The following METAP1 variants were observed in gnomAD, a reference collection of about 807,000 sequenced individuals.
The protein encoded by METAP1 is methionine aminopeptidase 1.
Under a neutral mutation model 53.8 loss-of-function variants are expected in METAP1, and 28 were observed. The observed-to-expected ratio is 0.52, with a 90% confidence interval of 0.39 to 0.71. The LOEUF is 0.71. Ranked by LOEUF, METAP1 falls within the 30% of genes least tolerant of loss-of-function variation. The probability of loss-of-function intolerance (pLI) is 0.00; values close to 1 mark genes in which losing one functional copy is unlikely to be tolerated. For synonymous variants in METAP1, 181 were observed against 165.7 expected, an observed-to-expected ratio of 1.09 and a Z score of -0.71; for missense variants, 389 against 479.8, an observed-to-expected ratio of 0.81 and a Z score of 1.77.
chr4:99,030,567 A>C (rs1724941089), intron 2 of METAP1, among the ~76,000 whole-genome samples: 1 of 152,140 alleles, frequency 6.6e-6, no homozygotes, highest in African/African-American at 2.4e-5. Context: ...TAAGTTGACC[A>C]CAGTAAATTT....
chr4:99,016,477 A>G (rs1723773250), intron 1 of METAP1, among the ~76,000 whole-genome samples: 1 of 152,168 alleles, frequency 6.6e-6, no homozygotes. Flanking sequence ...TTTTATCATA[A>G]TGTGTGCCGT....
chr4:99,033,396 C>T (rs1388478873), intron 2 of METAP1, among the ~76,000 whole-genome samples: 2 of 152,016 alleles, frequency 1.3e-5, no homozygotes, highest in South Asian at 2.1e-4. Flanking sequence ...ACTTGTATTC[C>T]GGCTACTTAA....
chr4:99,047,514 A>C (rs960228443), intron 8 of METAP1, among the ~76,000 whole-genome samples: 1 of 152,232 alleles, frequency 6.6e-6, no homozygotes, highest in African/African-American at 2.4e-5. Context: ...GAAAGTCAGC[A>C]TGATTTTTCA....
At chr4:99,026,228 T>C (rs536617587) in intron 1 of METAP1, 1 of 985,166 alleles carries the variant, frequency 1.0e-6, no homozygotes, top group Non-Finnish European at 1.2e-6. Flanking sequence ...AAATTCCTGT[T>C]GGTGCTAAAG....
chr4:99,061,327 A>G lies in METAP1; in HGVS notation c.*10A>G. The G allele has an allele frequency of 1.2e-6, 2 of 1,610,336 alleles. No individual in the cohort carries two copies. Among genetic ancestry groups the G allele is most frequent in the Non-Finnish European group, 1.7e-6 (2 of 1,177,508 alleles). On this transcript the variant is annotated 3_prime_UTR_variant, in exon 11 of 11. Transcript: ENST00000296411. Reference sequence around the variant, plus strand: ...CATGTCTCAATTTTAATTTCTCCCAAGATGGCACATCTCAGTACCTTCTTA... The same window carrying G: ...CATGTCTCAATTTTAATTTCTCCCAGGATGGCACATCTCAGTACCTTCTTA...
At chr4:99,032,550 T>G (rs557462973) in intron 2 of METAP1, among the ~76,000 whole-genome samples, 2 of 152,304 alleles carry the variant, frequency 1.3e-5, no homozygotes, top group South Asian at 4.1e-4. Context: ...CTTTTGAATA[T>G]AAACTGTGGA....
intron 1 of METAP1, among the ~76,000 whole-genome samples, chr4:99,018,847 G>T (rs1028713651): frequency 3.3e-5 from 5 of 152,144 alleles, no homozygotes; most frequent in African/African-American, 4.8e-5. Flanking sequence ...GGGAGATCGG[G>T]TATTACTTTC....
intron 1 of METAP1, chr4:99,022,576 T>TAGAA (rs1724204919): frequency 1.5e-6 from 1 of 650,528 alleles, no homozygotes; most frequent in African/African-American, 1.8e-5. Context: ...ACTTTGAAGA[T>TAGAA]AGAAGATGGT....
intron 8 of METAP1, among the ~76,000 whole-genome samples, chr4:99,046,936 C>CA (rs56702946): frequency 0.17 from 14,168 of 82,238 alleles, 976 homozygotes; most frequent in East Asian, 0.53. Context: ...ACTGAAGAAA[C>CA]AAAAAAAAAA....
intron 1 of METAP1, among the ~76,000 whole-genome samples, chr4:99,001,075 C>G (rs936059608): frequency 1.3e-5 from 2 of 152,214 alleles, no homozygotes; most frequent in Admixed American, 6.5e-5. Context: ...CATGCAGTAT[C>G]TTTGAAATGC....
At chr4:99,031,198 G>T (rs1390547988) in intron 2 of METAP1, among the ~76,000 whole-genome samples, 2 of 150,712 alleles carry the variant, frequency 1.3e-5, no homozygotes, top group African/African-American at 2.4e-5. Context: ...TGATTCTTGG[G>T]TGCATGTTTT....
intron 3 of METAP1, among the ~76,000 whole-genome samples, chr4:99,035,112 T>C (rs1725332587): frequency 6.6e-6 from 1 of 152,208 alleles, no homozygotes; most frequent in African/African-American, 2.4e-5. Context: ...ATCATTTTAT[T>C]GTTGTTAGCT....
At position 99,062,656 on chromosome 4, in the gene METAP1, A is replaced by G. The variant is rs1196300373; in HGVS notation, c.*1339A>G. 1 of 152,672 alleles carries G rather than the reference A, an allele frequency of 6.5e-6. No individual in the cohort carries two copies. 9.5% of individuals were successfully genotyped at this position (152,672 alleles called of 1,614,324 possible). Reference sequence around the variant, plus strand: ...TGTTTTCATTACTTTTATTATTTGAATGATTTAGTAAAGTTGACTGAATCT... The same window carrying G: ...TGTTTTCATTACTTTTATTATTTGAGTGATTTAGTAAAGTTGACTGAATCT... On this transcript the variant is annotated 3_prime_UTR_variant, in exon 11 of 11. Coordinates refer to ENST00000296411, the MANE Select transcript of METAP1 (RefSeq NM_015143.3).
rs1438129290 is a variant in METAP1 at position 99,054,373 on chromosome 4, C to G, written c.932-3380C>G. Among the ~76,000 whole-genome samples the G allele has an allele frequency of 2.0e-5, 3 of 152,184 alleles. 1 individual carries two copies. Among genetic ancestry groups the G allele is most frequent in the Non-Finnish European group, 4.4e-5 (3 of 68,036 alleles). On this transcript the variant is annotated intron_variant, in intron 9 of 10. Coordinates refer to ENST00000296411, the MANE Select transcript of METAP1 (RefSeq NM_015143.3). ...CTAGCTTTCAACTTTTCTTCTGCAG[C>G]TTTGTCACCTCTCTCAGCCTTCGTA...
intron 2 of METAP1, among the ~76,000 whole-genome samples, chr4:99,033,186 A>G (rs1376829767): frequency 6.6e-6 from 1 of 151,940 alleles, no homozygotes; most frequent in Non-Finnish European, 1.5e-5. Context: ...TAAGTTTAAC[A>G]TTTTAAGATT....
intron 1 of METAP1, chr4:99,026,346 G>C: frequency 1.0e-6 from 1 of 985,424 alleles, no homozygotes; most frequent in Non-Finnish European, 1.2e-6. Context: ...ACAAAGTGCT[G>C]TTCAGCGAGT....
rs183733939 is a variant in METAP1 at position 99,055,345 on chromosome 4, C to T, written c.932-2408C>T. Among the ~76,000 whole-genome samples, 506 of 148,146 alleles carry T rather than the reference C, an allele frequency of 3.4e-3. 5 individuals carry two copies. Among genetic ancestry groups the T allele is most frequent in the African/African-American group, 0.012 (465 of 39,942 alleles). ...GGTGGAGGTTGCAGTGAGCCGAGAT[C>T]GTGCCACTGCACTCCAGCCTGGACA... On this transcript the variant is annotated intron_variant, in intron 9 of 10. Coordinates refer to ENST00000296411, the MANE Select transcript of METAP1 (RefSeq NM_015143.3).
chr4:99,046,768 CATT>C (rs980292911), intron 8 of METAP1, among the ~76,000 whole-genome samples: 12 of 151,864 alleles, frequency 7.9e-5, no homozygotes, highest in African/African-American at 1.2e-4. Flanking sequence ...ACTTATTACT[CATT>C]GTTGATTATT....
intron 9 of METAP1, among the ~76,000 whole-genome samples, chr4:99,054,676 T>C (rs896854147): frequency 6.6e-6 from 1 of 152,212 alleles, no homozygotes; most frequent in Non-Finnish European, 1.5e-5. Flanking sequence ...TAATCATTTC[T>C]AGCTTTTGAT....
Sources: allele counts gnomAD v4.1 joint callset (sites outside exome capture counted in the v4.1 genomes callset), GRCh38; gene constraint gnomAD v4.1.1; transcripts MANE v1.5; gene names NCBI Gene and HGNC (gene_info 2026-07-23, HGNC 2026-07-21).